Variants in COL24A1 observed in about 807,000 individuals in gnomAD.
COL24A1 encodes collagen type XXIV alpha 1 chain, also known as collagen alpha-1(XXIV) chain.
COL24A1 carries 224 observed loss-of-function variants against 253.9 expected under a neutral mutation model. The observed-to-expected ratio is 0.88, with a 90% CI of 0.79 to 0.99. The LOEUF is 0.99. Among genes scored for constraint, COL24A1 ranks in the 50% least tolerant of loss-of-function variants. COL24A1 has a pLI of 0.00. For missense variants in COL24A1, 2,131 were observed against 2,068.5 expected (o/e 1.03, Z -0.59); for synonymous variants, 685 against 673.7 (o/e 1.02, Z -0.26).
intron 53 of COL24A1, among the ~76,000 whole-genome samples, chr1:85,763,565 C>G (rs1667055740): frequency 7.0e-6 from 1 of 143,326 alleles, no homozygotes; most frequent in Non-Finnish European, 1.5e-5. Flanking sequence ...GATCTCGGCT[C>G]ACTGCAATCT....
chr1:86,008,249 T>C (rs891416882), intron 19 of COL24A1, among the ~76,000 whole-genome samples: 8 of 152,086 alleles, frequency 5.3e-5, no homozygotes, highest in African/African-American at 1.9e-4. Context: ...TATTAATGGA[T>C]ATTTCTTTCT....
intron 42 of COL24A1, 70 bp downstream of exon 42, chr1:85,841,151 TG>T (rs1676568543): frequency 9.7e-7 from 1 of 1,031,338 alleles, no homozygotes; most frequent in East Asian, 2.6e-5. Context: ...AAGATTTAAT[TG>T]GTGTTGTGAA....
intron 19 of COL24A1, among the ~76,000 whole-genome samples, chr1:86,003,439 GTTAC>G (rs1558969613): frequency 2.0e-5 from 3 of 152,292 alleles, no homozygotes; most frequent in Admixed American, 6.5e-5. Flanking sequence ...ACTCACTGCA[GTTAC>G]CTTCTCCTAG....
intron 20 of COL24A1, among the ~76,000 whole-genome samples, chr1:85,987,344 A>G (rs1693805974): frequency 6.6e-6 from 1 of 151,644 alleles, no homozygotes. Context: ...GACTTTTTAG[A>G]GTTTTTTCTC....
intron 28 of COL24A1, 37 bp downstream of exon 28, chr1:85,907,157 G>C: frequency 1.4e-6 from 2 of 1,447,702 alleles, no homozygotes; most frequent in Non-Finnish European, 1.9e-6. Context: ...AAGTAATTTT[G>C]GGGGGGTTAA....
intron 24 of COL24A1, among the ~76,000 whole-genome samples, chr1:85,948,488 C>T (rs552677269): frequency 7.4e-6 from 1 of 134,276 alleles, no homozygotes; most frequent in East Asian, 2.2e-4. Context: ...CGCGCCACTG[C>T]ACTCCAGCCT....
intron 43 of COL24A1, among the ~76,000 whole-genome samples, chr1:85,837,581 G>T (rs1420128912): frequency 6.6e-6 from 1 of 152,088 alleles, no homozygotes; most frequent in African/African-American, 2.4e-5. Context: ...GAAGACATAT[G>T]CCAAGTGGGG....
rs146243778 is a variant in COL24A1, at chr1:86,068,450, G to A, written c.1708-4691C>T. Among the ~76,000 whole-genome samples, 1,227 of 152,232 alleles carry A rather than the reference G, an allele frequency of 8.1e-3. 13 individuals carry two copies. Among genetic ancestry groups the A allele is most frequent in the African/African-American group, 0.026 (1,098 of 41,532 alleles). ...GACCAGCCCTAGCCAGAAGGGAATC[G>A]CACATCCTCAAGGAACTTGAGTTTC... On this transcript the variant is annotated intron_variant, in intron 7 of 59. Coordinates refer to ENST00000370571, the MANE Select transcript of COL24A1 (RefSeq NM_152890.7).
intron 5 of COL24A1, among the ~76,000 whole-genome samples, chr1:86,110,716 C>G (rs118146009): frequency 6.6e-6 from 1 of 152,118 alleles, no homozygotes; most frequent in Admixed American, 6.5e-5. Context: ...CGCTGGGTCC[C>G]GCAGCACTGA....
intron 14 of COL24A1, among the ~76,000 whole-genome samples, chr1:86,024,886 T>C (rs890692229): frequency 6.6e-6 from 1 of 152,204 alleles, no homozygotes; most frequent in Non-Finnish European, 1.5e-5. Flanking sequence ...TAAAATAATA[T>C]TCTTAACTTT....
intron 43 of COL24A1, among the ~76,000 whole-genome samples, chr1:85,827,367 G>A (rs1227407787): frequency 1.9e-4 from 28 of 151,314 alleles, no homozygotes; most frequent in Admixed American, 5.3e-4. Context: ...TGTTCATCAA[G>A]GATATTGGTC....
At chr1:85,871,209 C>T (rs1680439455) in intron 35 of COL24A1, among the ~76,000 whole-genome samples, 1 of 152,044 alleles carries the variant, frequency 6.6e-6, no homozygotes, top group Non-Finnish European at 1.5e-5. Context: ...TAATTAATAG[C>T]CTACCAACCA....
At chr1:85,915,901 G>A (rs374730574) in intron 24 of COL24A1, among the ~76,000 whole-genome samples, 5 of 152,174 alleles carry the variant, frequency 3.3e-5, no homozygotes, top group South Asian at 4.2e-4. Context: ...TGATCCACCC[G>A]CCTTGGCCTC....
At chr1:86,010,247 C>T (rs979714154) in intron 19 of COL24A1, among the ~76,000 whole-genome samples, 1 of 151,932 alleles carries the variant, frequency 6.6e-6, no homozygotes, top group African/African-American at 2.4e-5. Flanking sequence ...TGCTTTCTGT[C>T]AAAAAACACT....
intron 55 of COL24A1, among the ~76,000 whole-genome samples, chr1:85,757,043 G>A (rs1666340782): frequency 6.6e-6 from 1 of 152,084 alleles, no homozygotes; most frequent in South Asian, 2.1e-4. Context: ...GTGGTTGCAG[G>A]GGCTGGGTAA....
chr1:85,962,494 G>A (rs1162116797), intron 23 of COL24A1, among the ~76,000 whole-genome samples: 1 of 152,018 alleles, frequency 6.6e-6, no homozygotes, highest in Non-Finnish European at 1.5e-5. Context: ...CACCCTTCTG[G>A]TAGTGGTAAA....
At chr1:85,948,881 C>T (rs1365706035) in intron 24 of COL24A1, among the ~76,000 whole-genome samples, 1 of 151,724 alleles carries the variant, frequency 6.6e-6, no homozygotes, top group Non-Finnish European at 1.5e-5. Context: ...CAACAAAATA[C>T]TGGCAAGCTG....
rs541828096 is a variant in COL24A1, at chr1:85,898,561, G to T, written c.2779-2152C>A. On this transcript the variant is annotated intron_variant, in intron 28 of 59. Transcript: ENST00000370571. Reference sequence around the variant, plus strand: ...TGAAGGACTGAAAAACTGAACTACAGTCTTACTGTGCAAGACCTTGAAGAT... The same window carrying T: ...TGAAGGACTGAAAAACTGAACTACATTCTTACTGTGCAAGACCTTGAAGAT... 3.3e-5 allele frequency among the ~76,000 whole-genome samples: 5 copies of T among 152,168 alleles called. No homozygotes were observed. The South Asian group carries it at 1.0e-3, about 32-fold the overall frequency.
intron 18 of COL24A1, among the ~76,000 whole-genome samples, chr1:86,019,672 C>T (rs561235247): frequency 1.3e-4 from 20 of 152,072 alleles, no homozygotes; most frequent in African/African-American, 4.1e-4. Context: ...ATCTTATCTT[C>T]GGCCCAAAGT....
Sources: allele counts gnomAD v4.1 joint callset (sites outside exome capture counted in the v4.1 genomes callset), GRCh38; gene constraint gnomAD v4.1.1; transcripts MANE v1.5; gene names NCBI Gene and HGNC (gene_info 2026-07-23, HGNC 2026-07-21).